Variants in DCHS2 observed in about 807,000 individuals in gnomAD.
DCHS2 encodes protocadherin-23.
Under a neutral mutation model 182.4 loss-of-function variants are expected in DCHS2, and 142 were observed. The ratio of observed to expected loss-of-function variants is 0.78; its 90% CI spans 0.68 to 0.89. The LOEUF is 0.89. Ranked by LOEUF, DCHS2 falls within the 40% of genes least tolerant of loss-of-function variation. The probability of loss-of-function intolerance (pLI) is 0.00; values close to 1 mark genes in which losing one functional copy is unlikely to be tolerated. For missense variants in DCHS2, 4,319 were observed against 4,198.6 expected (o/e 1.03, Z -0.79); for synonymous variants, 1,740 against 1,663.3 (o/e 1.05, Z -1.12).
At chr4:154,470,484 T>C (rs1735415849) in intron 1 of DCHS2, among the ~76,000 whole-genome samples, 1 of 18,044 alleles carries the variant, frequency 5.5e-5, no homozygotes, top group East Asian at 1.7e-3. Context: ...CAAGACCCTG[T>C]CTCAAAAAAA....
In DCHS2 at chr4:154,235,045, C is replaced by T. The variant is rs751710208; in HGVS notation, c.9607G>A (p.Glu3203Lys). ...KESILADVRK[E>K]SVFISGDQEV... ...TGATCACCTGAAATAAAGACAGACT[C>T]TTTTCTAACGTCAGCCAGGATGCTC... The change falls in exon 20 of 20, where the codon GAG (glutamate) becomes AAG (lysine). Residue 3203 changes from glutamate (E) to lysine (K), a missense_variant. Glu to Lys is a moderately conservative substitution (Grantham distance 56). Coordinates refer to ENST00000357232, the MANE Select transcript of DCHS2 (RefSeq NM_001358235.2). The T allele has an allele frequency of 6.2e-7, 1 of 1,613,868 alleles. No homozygotes were observed. Among genetic ancestry groups the T allele is most frequent in the South Asian group, 1.1e-5 (1 of 91,082 alleles).
In DCHS2 at chr4:154,297,772, A is replaced by G; in HGVS notation, c.6463+79T>C. ...AATGTATAACTGAATGCGCAATGGC[A>G]CTCTTGTAGTATAATCCGTACTCTT... On this transcript the variant is annotated intron_variant, in intron 13 of 19. Coordinates refer to ENST00000357232, the MANE Select transcript of DCHS2 (RefSeq NM_001358235.2). 5 of 1,518,600 alleles carry G rather than the reference A, an allele frequency of 3.3e-6. 1 individual carries two copies. In the Middle Eastern group the frequency reaches 5.4e-4, roughly 163 times the overall value. 94.1% of individuals were successfully genotyped at this position (1,518,600 alleles called of 1,614,324 possible). A position where few individuals can be genotyped will look rare whatever the true frequency, so the allele number is the denominator to read the frequency against.
At chr4:154,456,608 G>T (rs949670821) in intron 1 of DCHS2, among the ~76,000 whole-genome samples, 2 of 152,182 alleles carry the variant, frequency 1.3e-5, no homozygotes, top group Admixed American at 1.3e-4. Context: ...CAGAGGAAGT[G>T]AGGGAATTAC....
chr4:154,428,647 T>G (rs2110929798), intron 1 of DCHS2, among the ~76,000 whole-genome samples: 1 of 152,216 alleles, frequency 6.6e-6, no homozygotes, highest in South Asian at 2.1e-4. Context: ...GATACTGTAA[T>G]CCTAGCACTT....
chr4:154,256,627 G>A (rs74487006), intron 15 of DCHS2, among the ~76,000 whole-genome samples: 6,872 of 152,084 alleles, frequency 0.045, 480 homozygotes, highest in African/African-American at 0.16. Context: ...AGTGGATTTG[G>A]TATCTTGATT....
chr4:154,401,970 G>A (rs1732203232), intron 1 of DCHS2, among the ~76,000 whole-genome samples: 1 of 152,104 alleles, frequency 6.6e-6, no homozygotes. Flanking sequence ...CTCCAGCCTG[G>A]GCAACTGAAA....
In DCHS2 at chr4:154,452,625, A is replaced by AAAACAAACAAAC. The variant is rs529334859; in HGVS notation, c.2052+36667_2052+36678dup. Among the ~76,000 whole-genome samples, 1,000 of 148,734 alleles carry AAAACAAACAAAC rather than the reference A, an allele frequency of 6.7e-3. 5 individuals are homozygous for AAAACAAACAAAC. The highest frequency in any genetic ancestry group is 0.011 in the African/African-American group (472 of 41,290). On this transcript the variant is annotated intron_variant, in intron 1 of 19. Coordinates refer to ENST00000357232, the MANE Select transcript of DCHS2 (RefSeq NM_001358235.2). ...GGCAACAAGGCAAGACTCCATCGCA[A>AAAACAAACAAAC]AAACAAACAAACAAACAAAAAAACA... is the stretch of plus-strand genomic sequence containing the variant.
At chr4:154,282,250 T>C (rs921056202) in intron 13 of DCHS2, among the ~76,000 whole-genome samples, 3 of 151,990 alleles carry the variant, frequency 2.0e-5, no homozygotes, top group African/African-American at 4.8e-5. Flanking sequence ...GGAACTTATA[T>C]AATAAGAGAA....
chr4:154,434,338 C>T (rs1473397222), intron 1 of DCHS2, among the ~76,000 whole-genome samples: 1 of 152,106 alleles, frequency 6.6e-6, no homozygotes, highest in Non-Finnish European at 1.5e-5. Context: ...GGGAGGATCG[C>T]TTGAGCCTGG....
chr4:154,314,055 C>G (rs900329722), intron 10 of DCHS2, among the ~76,000 whole-genome samples: 1 of 152,106 alleles, frequency 6.6e-6, no homozygotes, highest in African/African-American at 2.4e-5. Context: ...AAATTCTTTT[C>G]TCCCTCTTCA....
intron 1 of DCHS2, chr4:154,391,166 C>T (rs1731683198): frequency 6.2e-7 from 1 of 1,611,450 alleles, no homozygotes; most frequent in African/African-American, 1.3e-5. Context: ...GTTCTTACCT[C>T]TGAGATTTCA....
rs1468232655 is a variant in DCHS2 at position 154,332,616 on chromosome 4, A to G, written c.3592T>C (p.Leu1198=). ...GGAACAGGGCTCTCTTCGACTTTCA[A>G]AAACAACACATCATGCAAGAAGGTG... is the stretch of plus-strand genomic sequence containing the variant. ...SPTFLHDVLF[L]KVEESPVPQG... is the part of the protein sequence containing the mutation. The change falls in exon 5 of 20, where the codon TTG becomes CTG. Residue 1198 remains leucine, a synonymous_variant. Coordinates refer to ENST00000357232, the MANE Select transcript of DCHS2 (RefSeq NM_001358235.2). The G allele has an allele frequency of 1.9e-6, 3 of 1,614,244 alleles. No individual in the cohort carries two copies. In the East Asian group the frequency reaches 6.7e-5, roughly 36 times the overall value.
intron 1 of DCHS2, among the ~76,000 whole-genome samples, chr4:154,478,202 C>T (rs915649700): frequency 6.6e-5 from 10 of 152,278 alleles, no homozygotes; most frequent in Middle Eastern, 3.4e-3. Context: ...TAAAATTCTA[C>T]AGGCTTTATT....
rs763209190 is a variant in DCHS2, at chr4:154,320,846, C to T, written c.4553G>A (p.Ser1518Asn). 44 of 1,613,988 alleles carry T rather than the reference C, an allele frequency of 2.7e-5. No homozygotes were observed. Among genetic ancestry groups the T allele is most frequent in the Non-Finnish European group, 3.5e-5 (41 of 1,180,006 alleles). ...TCCTATGGGAACATTCTCCTCTACA[C>T]TGATCACAATGAGCTCATCCTGGAA... ...PSFQDELIVI[S>N]VEENVPIGTL... is the part of the protein sequence containing the mutation. Residue 1518 changes from serine to asparagine, a missense_variant, in exon 9 of 20, where the codon AGT becomes AAT. Physicochemically the swap from Ser to Asn is conservative, Grantham distance 46 (BLOSUM62 1). Transcript: ENST00000357232.
chr4:154,306,323 G>T (rs945611981), intron 10 of DCHS2, among the ~76,000 whole-genome samples: 3 of 151,938 alleles, frequency 2.0e-5, no homozygotes, highest in Non-Finnish European at 4.4e-5. Flanking sequence ...CATGGTCAGA[G>T]GTCACCAAAA....
At chr4:154,368,223 A>G (rs1730480925) in intron 2 of DCHS2, among the ~76,000 whole-genome samples, 1 of 152,116 alleles carries the variant, frequency 6.6e-6, no homozygotes, top group African/African-American at 2.4e-5. Flanking sequence ...CACTGGTGAT[A>G]AGCTTATAGA....
chr4:154,370,503 T>C lies in DCHS2; in HGVS notation c.2245-4062A>G, dbSNP rs147354560. On this transcript the variant is annotated intron_variant, in intron 2 of 19. Transcript: ENST00000357232. ...ACTATTATTATGCCCTGTATGCTTA[T>C]GAGGGTCATCCAAAAGAGCTTGATA... Among the ~76,000 whole-genome samples the C allele has an allele frequency of 3.3e-5, 5 of 152,290 alleles. No individual in the cohort carries two copies. The East Asian group carries it at 9.7e-4, about 29-fold the overall frequency.
intron 1 of DCHS2, among the ~76,000 whole-genome samples, chr4:154,390,917 A>C (rs1002826808): frequency 1.1e-4 from 16 of 152,242 alleles, no homozygotes; most frequent in African/African-American, 3.9e-4. Context: ...AGAAAATTTT[A>C]TTTATCCAAA....
chr4:154,487,665 G>A (rs937784407), intron 1 of DCHS2, among the ~76,000 whole-genome samples: 5 of 152,144 alleles, frequency 3.3e-5, no homozygotes, highest in Admixed American at 6.5e-5. Flanking sequence ...TTATCTAAAG[G>A]TTATTATTTG....
Sources: allele counts gnomAD v4.1 joint callset (sites outside exome capture counted in the v4.1 genomes callset), GRCh38; gene constraint gnomAD v4.1.1; transcripts MANE v1.5; gene names NCBI Gene and HGNC (gene_info 2026-07-23, HGNC 2026-07-21).